Variants in PDLIM5 observed in about 807,000 individuals in gnomAD.
PDLIM5 encodes the protein PDZ and LIM domain protein 5.
A neutral mutation model predicts 64.2 loss-of-function variants in PDLIM5; 34 were observed. The observed-to-expected ratio is 0.53, with a 90% CI of 0.40 to 0.71. The LOEUF is 0.71. Among genes scored for constraint, PDLIM5 ranks in the 30% least tolerant of loss-of-function variants. The pLI is 0.00. For missense variants in PDLIM5, 683 were observed against 733.6 expected (o/e 0.93, Z 0.80); for synonymous variants, 253 against 269.1 (o/e 0.94, Z 0.59).
chr4:94,574,498 CAAA>C (rs70946534), intron 4 of PDLIM5, among the ~76,000 whole-genome samples: 8 of 96,456 alleles, frequency 8.3e-5, no homozygotes, highest in Admixed American at 4.8e-4. Context: ...ACTCCTGTCT[CAAA>C]AAAAAAAAAA....
chr4:94,569,310 C>G (rs970417659), intron 3 of PDLIM5, among the ~76,000 whole-genome samples: 2 of 147,328 alleles, frequency 1.4e-5, no homozygotes, highest in African/African-American at 2.7e-5. Context: ...AGTCATTTTA[C>G]CCCTTCGTTT....
chr4:94,534,712 A>G (rs913594783), intron 3 of PDLIM5, among the ~76,000 whole-genome samples: 4 of 152,322 alleles, frequency 2.6e-5, no homozygotes, highest in African/African-American at 9.6e-5. Flanking sequence ...TTCCCTCCTC[A>G]GTTGATAAGT....
chr4:94,591,479 G>T (rs1736668693), intron 7 of PDLIM5, among the ~76,000 whole-genome samples: 1 of 152,172 alleles, frequency 6.6e-6, no homozygotes, highest in Non-Finnish European at 1.5e-5. Flanking sequence ...TACCTCTGCT[G>T]ATGGGAGTGT....
chr4:94,647,244 G>A (rs1194318382), intron 9 of PDLIM5, among the ~76,000 whole-genome samples: 1 of 152,118 alleles, frequency 6.6e-6, no homozygotes, highest in Non-Finnish European at 1.5e-5. Context: ...ACTATAAGTT[G>A]TCTACAAGAG....
chr4:94,488,916 G>A (rs1365160882), intron 2 of PDLIM5: 1 of 152,258 alleles, frequency 6.6e-6, no homozygotes, highest in Non-Finnish European at 1.5e-5. Flanking sequence ...TTCTCCATGA[G>A]TAAGGTGAGG....
intron 2 of PDLIM5, among the ~76,000 whole-genome samples, chr4:94,519,144 G>T (rs765072755): frequency 7.9e-5 from 12 of 152,146 alleles, no homozygotes; most frequent in Admixed American, 2.6e-4. Flanking sequence ...CTGAGTGAGG[G>T]GAAAGTTAGG....
At chr4:94,461,750 C>T (rs1723903164) in intron 2 of PDLIM5, among the ~76,000 whole-genome samples, 1 of 152,046 alleles carries the variant, frequency 6.6e-6, no homozygotes, top group Non-Finnish European at 1.5e-5. Flanking sequence ...TAACTGGACT[C>T]CCAACTGGGC....
chr4:94,620,169 T>C lies in PDLIM5; in HGVS notation c.1108+1978T>C, dbSNP rs910698277. ...AAAGTTCTTACCACTCTGTACAGAATGTACTTCTTCACCTAGCCCTCTAAT... is the reference window on the plus strand; with the variant it reads ...AAAGTTCTTACCACTCTGTACAGAACGTACTTCTTCACCTAGCCCTCTAAT... On this transcript the variant is annotated intron_variant, in intron 8 of 12. Transcript: ENST00000317968. Among the ~76,000 whole-genome samples, 3 of 152,220 alleles carry C rather than the reference T, an allele frequency of 2.0e-5. No individual in the cohort carries two copies. In the South Asian group the frequency reaches 6.2e-4, roughly 32 times the overall value.
At chr4:94,470,726 C>T (rs1304159133) in intron 2 of PDLIM5, among the ~76,000 whole-genome samples, 2 of 152,154 alleles carry the variant, frequency 1.3e-5, no homozygotes, top group Non-Finnish European at 2.9e-5. Flanking sequence ...AAAATGTCAT[C>T]AGTATCATAT....
intron 9 of PDLIM5, among the ~76,000 whole-genome samples, chr4:94,645,164 A>G (rs893701179): frequency 6.6e-6 from 1 of 152,160 alleles, no homozygotes; most frequent in Non-Finnish European, 1.5e-5. Context: ...GTGAGAACAT[A>G]CGATGTTTGG....
chr4:94,554,420 A>G (rs1733079601), intron 3 of PDLIM5, among the ~76,000 whole-genome samples: 1 of 152,226 alleles, frequency 6.6e-6, no homozygotes, highest in Non-Finnish European at 1.5e-5. Flanking sequence ...ATATCCATCT[A>G]GTCGTTTTTC....
chr4:94,534,749 C>T (rs532024160), intron 3 of PDLIM5, among the ~76,000 whole-genome samples: 44 of 152,250 alleles, frequency 2.9e-4, no homozygotes, highest in Admixed American at 2.3e-3. Context: ...TTGTAAAGTA[C>T]TTCAAGAATA....
intron 3 of PDLIM5, among the ~76,000 whole-genome samples, chr4:94,538,401 T>C (rs1309416816): frequency 6.6e-6 from 1 of 152,188 alleles, no homozygotes; most frequent in Non-Finnish European, 1.5e-5. Context: ...TTCATTTTGA[T>C]TTGTGTAAAA....
intron 7 of PDLIM5, among the ~76,000 whole-genome samples, chr4:94,597,889 G>A (rs1034469985): frequency 6.6e-6 from 1 of 152,154 alleles, no homozygotes; most frequent in Non-Finnish European, 1.5e-5. Flanking sequence ...CTGAGAAGAG[G>A]AGGGCAGAAT....
chr4:94,638,937 A>T (rs917520930), intron 8 of PDLIM5, among the ~76,000 whole-genome samples: 1 of 152,222 alleles, frequency 6.6e-6, no homozygotes, highest in Non-Finnish European at 1.5e-5. Context: ...GGAAAGGCAC[A>T]GAAATATATA....
rs981826296 is a variant in PDLIM5 at position 94,664,909 on chromosome 4, G to C, written c.*842G>C. The stretch of plus-strand genomic sequence containing the variant: ...GCTTGTATATTATTTTTGCCTTACA[G>C]TGGATCATTCTAGTAGGAAAGGACA... On this transcript the variant is annotated 3_prime_UTR_variant, in exon 13 of 13. Coordinates refer to ENST00000317968, the MANE Select transcript of PDLIM5 (RefSeq NM_006457.5). The C allele has an allele frequency of 2.0e-6, 2 of 979,646 alleles. No individual in the cohort carries two copies. The highest frequency in any genetic ancestry group is 3.5e-5 in the African/African-American group (2 of 57,088). 60.7% of individuals were successfully genotyped at this position (979,646 alleles called of 1,614,324 possible).
chr4:94,665,818 T>C lies in PDLIM5; in HGVS notation c.*1751T>C, dbSNP rs1743054355. The C allele has an allele frequency of 2.3e-6, 3 of 1,291,284 alleles. No individual in the cohort carries two copies. Among genetic ancestry groups the C allele is most frequent in the African/African-American group, 3.0e-5 (2 of 65,862 alleles). 80.0% of individuals were successfully genotyped at this position (1,291,284 alleles called of 1,614,324 possible). ...ATGTGATCACAAAGTTTGGAAAGCT[T>C]TTATTCACAGAGGTTGGGTAGTGTT... On this transcript the variant is annotated 3_prime_UTR_variant, in exon 13 of 13. Transcript: ENST00000317968.
intron 2 of PDLIM5, among the ~76,000 whole-genome samples, chr4:94,494,484 T>A (rs1727193093): frequency 7.2e-6 from 1 of 138,592 alleles, no homozygotes; most frequent in African/African-American, 2.6e-5. Context: ...TGGTCGCCCA[T>A]GCTGGAGTGC....
At chr4:94,609,201 G>A (rs1358379609) in intron 7 of PDLIM5, among the ~76,000 whole-genome samples, 1 of 152,118 alleles carries the variant, frequency 6.6e-6, no homozygotes, top group African/African-American at 2.4e-5. Flanking sequence ...ACTTTGTGTT[G>A]GAGGTGGCCA....
Sources: gnomAD v4.1 joint callset for allele counts (sites outside exome capture counted in the v4.1 genomes callset) on GRCh38, gnomAD v4.1.1 for gene constraint, MANE v1.5 for transcripts, NCBI Gene and HGNC (gene_info 2026-07-23, HGNC 2026-07-21) for gene names.